Variants in SOD2 observed in about 807,000 individuals in gnomAD.
SOD2 encodes the protein superoxide dismutase [Mn], mitochondrial.
Under a neutral mutation model 27.0 loss-of-function variants are expected in SOD2, and 11 were observed. That is an observed-to-expected ratio of 0.41 (90% CI 0.26 to 0.67). The LOEUF (loss-of-function observed/expected upper bound fraction) is 0.67, where lower values mean the gene tolerates loss of function less well. Among genes scored for constraint, SOD2 ranks in the 30% least tolerant of loss-of-function variants. SOD2 has a pLI of 0.34. For synonymous variants in SOD2, 105 were observed against 103.0 expected, an observed-to-expected ratio of 1.02 and a Z score of -0.12; for missense variants, 250 against 274.5, an observed-to-expected ratio of 0.91 and a Z score of 0.63.
At chr6:159,755,791 G>GC in intron 1 of SOD2, 1 of 418,680 alleles carries the variant, frequency 2.4e-6, no homozygotes, top group Non-Finnish European at 3.1e-6. Flanking sequence ...TTTTTTTTTT[G>GC]CTTCAATACT....
intron 1 of SOD2, among the ~76,000 whole-genome samples, chr6:159,751,220 A>G (rs1459745902): frequency 1.3e-5 from 2 of 152,222 alleles, no homozygotes; most frequent in Non-Finnish European, 2.9e-5. Flanking sequence ...ACGTGATATG[A>G]CTATCTTAGC....
chr6:159,691,836 T>A (rs989342507), intron 2 of SOD2: 1 of 152,220 alleles, frequency 6.6e-6, no homozygotes, highest in Non-Finnish European at 1.5e-5. Context: ...ATTTTCCTTG[T>A]GAACTTTGAC....
upstream of SOD2, among the ~76,000 whole-genome samples, chr6:159,728,788 G>A (rs1778386047): frequency 6.6e-6 from 1 of 152,208 alleles, no homozygotes; most frequent in South Asian, 2.1e-4. Context: ...ACATTTTAAG[G>A]GTTTGGGTAG....
chr6:159,760,848 C>CA (rs1251839692), intron 1 of SOD2: 7 of 152,180 alleles, frequency 4.6e-5, no homozygotes, highest in Non-Finnish European at 1.0e-4. Flanking sequence ...TCCTTGGACT[C>CA]AGATATGTTA....
At chr6:159,704,071 G>A (rs940032963) in intron 1 of SOD2, among the ~76,000 whole-genome samples, 1 of 152,222 alleles carries the variant, frequency 6.6e-6, no homozygotes, top group African/African-American at 2.4e-5. Context: ...AGATCATGAG[G>A]TCAAGAGATC....
At chr6:159,714,295 T>C (rs1268412137) in intron 1 of SOD2, among the ~76,000 whole-genome samples, 1 of 152,146 alleles carries the variant, frequency 6.6e-6, no homozygotes, top group Non-Finnish European at 1.5e-5. Flanking sequence ...CTATTCTTTT[T>C]TCCCTCCAGA....
chr6:159,743,061 TG>T (rs1278394418), intron 1 of SOD2, among the ~76,000 whole-genome samples: 2 of 152,370 alleles, frequency 1.3e-5, no homozygotes, highest in Non-Finnish European at 2.9e-5. Context: ...TTTATTTGTT[TG>T]TTTGAGACAG....
In SOD2 at chr6:159,742,229, G is replaced by A. The variant is rs960555997; in HGVS notation, c.-116+2901C>T. ...CAAAAGGATAGTTGTTTTTATTAAAGCAAATGTAATTTTTCTCGTGTTTTA... is the reference window on the plus strand; with the variant it reads ...CAAAAGGATAGTTGTTTTTATTAAAACAAATGTAATTTTTCTCGTGTTTTA... On this transcript the variant is annotated intron_variant, in intron 1 of 3. Coordinates refer to the SOD2 transcript ENST00000537657. 2.0e-5 allele frequency: 25 copies of A among 1,222,630 alleles called. No individual in the cohort carries two copies. The East Asian group carries it at 5.0e-4, about 25-fold the overall frequency. The allele number at this position is 1,222,630 out of a possible 1,614,324, so 75.7% of individuals were successfully genotyped here.
At chr6:159,732,632 C>T (rs559914199) in intron 1 of SOD2, among the ~76,000 whole-genome samples, 33 of 152,200 alleles carry the variant, frequency 2.2e-4, no homozygotes, top group Admixed American at 1.0e-3. Context: ...GTGAGGAGTT[C>T]GAGACCAGCC....
At chr6:159,742,063 T>C (rs1323052579) in intron 1 of SOD2, 2 of 1,534,640 alleles carry the variant, frequency 1.3e-6, no homozygotes, top group East Asian at 4.5e-5. Context: ...TCGTAACAAC[T>C]AATGTATGGA....
chr6:159,692,415 G>T, intron 2 of SOD2: 1 of 1,402,104 alleles, frequency 7.1e-7, no homozygotes, highest in Non-Finnish European at 9.3e-7. Flanking sequence ...CAACAGTAAG[G>T]CAAGCTCCTT....
rs185301038 is a variant in SOD2, at chr6:159,690,765, T to C, written c.226+1896A>G. ...GATACATGCTTAATGAGAGATAATT[T>C]AATAATCTTAACATCTTACAGTTTG... is the stretch of plus-strand genomic sequence containing the variant. On this transcript the variant is annotated intron_variant, in intron 2 of 4. Coordinates refer to ENST00000538183, the MANE Select transcript of SOD2 (RefSeq NM_000636.4). Among the ~76,000 whole-genome samples, 101 of 152,324 alleles carry C rather than the reference T, an allele frequency of 6.6e-4. 1 individual carries two copies. The East Asian group carries it at 7.1e-3, about 11-fold the overall frequency.
intron 1 of SOD2, among the ~76,000 whole-genome samples, chr6:159,743,970 G>GT (rs896899043): frequency 5.9e-5 from 9 of 152,112 alleles, no homozygotes; most frequent in African/African-American, 2.2e-4. Flanking sequence ...CATTTAGACT[G>GT]TTTTTTGTGG....
intron 1 of SOD2, among the ~76,000 whole-genome samples, chr6:159,703,073 T>C (rs1188704307): frequency 6.6e-6 from 1 of 151,876 alleles, no homozygotes; most frequent in African/African-American, 2.4e-5. Context: ...CCAGCACTTT[T>C]GAAGGCCGAG....
At chr6:159,703,596 T>C (rs1777566187) in intron 1 of SOD2, among the ~76,000 whole-genome samples, 1 of 152,170 alleles carries the variant, frequency 6.6e-6, no homozygotes, top group Non-Finnish European at 1.5e-5. Context: ...TACACTCAAG[T>C]GTACACTCAC....
chr6:159,747,476 G>A (rs559459028), upstream of SOD2, among the ~76,000 whole-genome samples: 1 of 152,174 alleles, frequency 6.6e-6, no homozygotes, highest in East Asian at 1.9e-4. Flanking sequence ...TATTCAGAAG[G>A]GGAAAAATAT....
At chr6:159,755,950 ATCTG>A (rs756838239) in intron 1 of SOD2, 186 of 216,380 alleles carry the variant, frequency 8.6e-4, no homozygotes, top group East Asian at 2.6e-3. Context: ...GTCTGTATAA[ATCTG>A]TCTGTTTAGA....
At chr6:159,719,393 T>C (rs1777986028) in intron 1 of SOD2, among the ~76,000 whole-genome samples, 1 of 152,066 alleles carries the variant, frequency 6.6e-6, no homozygotes, top group Non-Finnish European at 1.5e-5. Flanking sequence ...CTGAGTACGG[T>C]GGCATGTGCC....
intron 1 of SOD2, among the ~76,000 whole-genome samples, chr6:159,737,557 A>G (rs1778996352): frequency 6.6e-6 from 1 of 152,038 alleles, no homozygotes; most frequent in African/African-American, 2.4e-5. Context: ...GCAGTGGTAC[A>G]ATCTTGGCTC....
Sources: allele counts gnomAD v4.1 joint callset (sites outside exome capture counted in the v4.1 genomes callset), GRCh38; gene constraint gnomAD v4.1.1; transcripts MANE v1.5; gene names NCBI Gene and HGNC (gene_info 2026-07-23, HGNC 2026-07-21).